SLC23A2: variants seen among roughly 807,000 people sequenced by gnomAD.
SLC23A2 encodes Na(+)/L-ascorbic acid transporter 2.
Under a neutral mutation model 73.3 loss-of-function variants are expected in SLC23A2, and 36 were observed. That is an observed-to-expected ratio of 0.49 (90% CI 0.38 to 0.65). SLC23A2 has a LOEUF of 0.65. Ranked by LOEUF, SLC23A2 falls within the 30% of genes least tolerant of loss-of-function variation. The pLI is 0.00. For synonymous variants in SLC23A2, 343 were observed against 327.3 expected, an observed-to-expected ratio of 1.05 and a Z score of -0.52; for missense variants, 507 against 841.6, an observed-to-expected ratio of 0.60 and a Z score of 4.92.
At chr20:4,988,760 A>G (rs1007641039) in intron 1 of SLC23A2, among the ~76,000 whole-genome samples, 2 of 151,652 alleles carry the variant, frequency 1.3e-5, no homozygotes, top group East Asian at 1.9e-4. Context: ...AAGAAAGAAA[A>G]AAAAAATTAG....
chr20:4,899,494 GCCTTCTGCGCTCAAT>G lies in SLC23A2; in HGVS notation c.482+46_482+60del, dbSNP rs1931667005. The G allele has an allele frequency of 3.9e-4, 23 of 58,826 alleles. No homozygotes were observed. Among genetic ancestry groups the G allele is most frequent in the Admixed American group, 2.5e-3 (11 of 4,390 alleles). 3.6% of individuals were successfully genotyped at this position (58,826 alleles called of 1,614,324 possible). ...CCCTAGGCAAACGGCGCAGCTCAAT[GCCTTCTGCGCTCAAT>G]GCCTTCTGGGGGCTTTGGCATCCCC... is the stretch of plus-strand genomic sequence containing the variant. On this transcript the variant is annotated intron_variant, in intron 6 of 16. Coordinates refer to ENST00000338244, the MANE Select transcript of SLC23A2 (RefSeq NM_005116.6). This position sits in a 1 kb window ranked among gnomAD's most constrained non-coding sequence, Gnocchi z 4.9.
Position 4,863,443 on chromosome 20 carries a change from G to T in SLC23A2, c.1357-536C>A, listed in dbSNP as rs116101576. Reference sequence around the variant, plus strand: ...TCTGACTGTATGGTCGGGCCGACCCGTAGCCTCTAGAGTCTCAGGATCTTC... The same window carrying T: ...TCTGACTGTATGGTCGGGCCGACCCTTAGCCTCTAGAGTCTCAGGATCTTC... On this transcript the variant is annotated intron_variant, in intron 13 of 16. Coordinates refer to ENST00000338244, the MANE Select transcript of SLC23A2 (RefSeq NM_005116.6). This position sits in a 1 kb window ranked among gnomAD's most constrained non-coding sequence, Gnocchi z 4.8. Among the ~76,000 whole-genome samples, 1,005 of 152,322 alleles carry T rather than the reference G, an allele frequency of 6.6e-3. 5 individuals are homozygous for T. Among genetic ancestry groups the T allele is most frequent in the Middle Eastern group, 0.024 (7 of 294 alleles).
intron 2 of SLC23A2, among the ~76,000 whole-genome samples, chr20:4,964,338 C>A (rs1490539128): frequency 1.3e-5 from 2 of 152,096 alleles, no homozygotes; most frequent in Non-Finnish European, 2.9e-5. Flanking sequence ...ATCAAAGGCT[C>A]TAAAAATACA....
At chr20:4,870,920 A>G (rs1037517114) in intron 11 of SLC23A2, among the ~76,000 whole-genome samples, 1 of 152,238 alleles carries the variant, frequency 6.6e-6, no homozygotes, top group African/African-American at 2.4e-5. Flanking sequence ...GGGAAATTAA[A>G]TAGTTTCATT....
rs1388207068 is a variant in SLC23A2 at position 4,932,652 on chromosome 20, T to C, written c.-90A>G. The C allele has an allele frequency of 3.9e-6, 3 of 763,050 alleles. No individual in the cohort carries two copies. The highest frequency in any genetic ancestry group is 5.0e-5 in the East Asian group (2 of 40,284). 47.3% of individuals were successfully genotyped at this position (763,050 alleles called of 1,614,324 possible). The stretch of plus-strand genomic sequence containing the variant: ...CTAGGAGCCCAGGATCAGCCGGCTC[T>C]TCTAGTGCCTGGAGCCCCCGATTCT... On this transcript the variant is annotated 5_prime_UTR_variant, in exon 3 of 17. Coordinates refer to ENST00000338244, the MANE Select transcript of SLC23A2 (RefSeq NM_005116.6).
Position 4,994,373 on chromosome 20 carries a change from GC to G in SLC23A2, c.-282+7032del, listed in dbSNP as rs370884661. On this transcript the variant is annotated intron_variant, in intron 1 of 16. Coordinates refer to ENST00000338244, the MANE Select transcript of SLC23A2 (RefSeq NM_005116.6). ...TTTGACAAGGAAGGTGTTGTAGTTAGCCCCCAGCTAGGTGATCTGCCTTTGG... is the reference window on the plus strand; with the variant it reads ...TTTGACAAGGAAGGTGTTGTAGTTAGCCCCAGCTAGGTGATCTGCCTTTGG... 7.4e-3 allele frequency among the ~76,000 whole-genome samples: 1,124 copies of G among 152,236 alleles called. 55 individuals carry two copies. The South Asian group carries it at 0.15, about 20-fold the overall frequency.
chr20:4,964,460 T>A (rs2087441741), intron 2 of SLC23A2, among the ~76,000 whole-genome samples: 1 of 152,028 alleles, frequency 6.6e-6, no homozygotes, highest in South Asian at 2.1e-4. Flanking sequence ...TGCTTAAGAG[T>A]AATCCAAAAC....
At chr20:4,888,354 C>T (rs563475706) in intron 6 of SLC23A2, among the ~76,000 whole-genome samples, 53 of 152,098 alleles carry the variant, frequency 3.5e-4, no homozygotes, top group Non-Finnish European at 4.7e-4. Flanking sequence ...TTACTGTTGG[C>T]CTTTTACAAA....
chr20:4,906,054 T>C (rs544972276), intron 4 of SLC23A2, among the ~76,000 whole-genome samples: 5 of 152,370 alleles, frequency 3.3e-5, no homozygotes, highest in African/African-American at 1.2e-4. Context: ...CAGATCAGTT[T>C]TGGCCAGGCA....
In SLC23A2 at chr20:4,859,347, G is replaced by A; in HGVS notation, c.1662C>T (p.Leu554=). The change falls in exon 16 of 17, where the codon CTC becomes CTT. Residue 554 remains leucine (L), a synonymous_variant. Transcript: ENST00000338244. ...AGCCCCCTACAAACATAGCAGTTGT[G>A]AGAAGGACGTTCAACACTTGATCGA... The part of the protein sequence containing the change: ...TGIDQVLNVL[L]TTAMFVGGCV... 6.2e-7 allele frequency: 1 copy of A among 1,613,316 alleles called. No individual in the cohort carries two copies. The highest frequency in any genetic ancestry group is 8.5e-7 in the Non-Finnish European group (1 of 1,179,368).
intron 1 of SLC23A2, among the ~76,000 whole-genome samples, chr20:4,974,483 T>A (rs201051934): frequency 1.2e-4 from 18 of 151,596 alleles, no homozygotes; most frequent in Middle Eastern, 3.4e-3. Flanking sequence ...ATAAAAAAAA[T>A]AATAATAATA....
intron 5 of SLC23A2, among the ~76,000 whole-genome samples, chr20:4,900,741 C>A (rs1285077177): frequency 6.6e-6 from 1 of 152,122 alleles, no homozygotes; most frequent in Non-Finnish European, 1.5e-5. Context: ...CTTTGGGAGT[C>A]CCCCCAACCC....
At chr20:4,941,383 T>A (rs948052335) in intron 2 of SLC23A2, among the ~76,000 whole-genome samples, 8 of 151,980 alleles carry the variant, frequency 5.3e-5, no homozygotes, top group Non-Finnish European at 8.8e-5. Context: ...GAAATTTTTT[T>A]AAATTAGCCA....
At chr20:4,978,482 G>T (rs1400255528) in intron 1 of SLC23A2, among the ~76,000 whole-genome samples, 1 of 152,158 alleles carries the variant, frequency 6.6e-6, no homozygotes, top group Non-Finnish European at 1.5e-5. Context: ...CTAAGCCTGG[G>T]CAGGCTGCTT....
At chr20:4,930,581 G>C (rs2122938624) in intron 3 of SLC23A2, among the ~76,000 whole-genome samples, 1 of 152,200 alleles carries the variant, frequency 6.6e-6, no homozygotes, top group East Asian at 1.9e-4. Flanking sequence ...CATTTTGGGA[G>C]GCCAAGGCAG....
At chr20:4,981,654 G>A (rs1434609819) in intron 1 of SLC23A2, among the ~76,000 whole-genome samples, 1 of 152,006 alleles carries the variant, frequency 6.6e-6, no homozygotes, top group East Asian at 1.9e-4. Flanking sequence ...AGTGGTTGGG[G>A]TTGGCAATTC....
chr20:4,979,297 A>G (rs1352874171), intron 1 of SLC23A2, among the ~76,000 whole-genome samples: 1 of 152,162 alleles, frequency 6.6e-6, no homozygotes. Context: ...CCATCTCAAA[A>G]AAAAAGAAAA....
intron 6 of SLC23A2, among the ~76,000 whole-genome samples, chr20:4,892,863 C>T (rs143625497): frequency 4.6e-5 from 7 of 151,954 alleles, no homozygotes; most frequent in South Asian, 2.1e-4. Flanking sequence ...ATGCACCACA[C>T]GAAGGAGACT....
chr20:4,939,490 T>C (rs1339172631), intron 2 of SLC23A2, among the ~76,000 whole-genome samples: 1 of 152,210 alleles, frequency 6.6e-6, no homozygotes, highest in Admixed American at 6.5e-5. Context: ...TACAATTACA[T>C]AGCGAGTTAC....
Sources: gnomAD v4.1 joint callset for allele counts (sites outside exome capture counted in the v4.1 genomes callset) on GRCh38, gnomAD v4.1.1 for gene constraint, Gnocchi (gnomAD v3.1) non-coding constraint, MANE v1.5 for transcripts, NCBI Gene and HGNC (gene_info 2026-07-23, HGNC 2026-07-21) for gene names.